The following PRKCZ variants were observed in gnomAD, a reference collection of about 807,000 sequenced individuals.
PRKCZ encodes the protein protein kinase C zeta type.
PRKCZ carries 33 observed loss-of-function variants against 79.5 expected under a neutral mutation model. The ratio of observed to expected loss-of-function variants is 0.41; its 90% CI spans 0.31 to 0.55. The LOEUF (loss-of-function observed/expected upper bound fraction) is 0.55. Ranked by LOEUF, PRKCZ falls within the 20% of genes least tolerant of loss-of-function variation. The pLI is 0.19. For missense variants in PRKCZ, 578 were observed against 813.5 expected, an observed-to-expected ratio of 0.71 and a Z score of 3.52; for synonymous variants, 342 against 320.9, an observed-to-expected ratio of 1.07 and a Z score of -0.70.
chr1:2,156,175 A>G lies in PRKCZ; in HGVS notation c.974+83A>G, dbSNP rs189558226. The G allele has an allele frequency of 4.1e-4, 542 of 1,309,862 alleles. 3 individuals carry two copies. In the Middle Eastern group the frequency reaches 0.011, roughly 26 times the overall value. The allele number at this position is 1,309,862 out of a possible 1,614,324, so 81.1% of individuals were successfully genotyped here. On this transcript the variant is annotated intron_variant, in intron 10 of 17. Coordinates refer to ENST00000378567, the MANE Select transcript of PRKCZ (RefSeq NM_002744.6). Reference sequence around the variant, plus strand: ...AAGCTAAGTCTGGTGTGATGTGTCAACTGTCACCTGTAAGGTTCTCCCAGT... The same window carrying G: ...AAGCTAAGTCTGGTGTGATGTGTCAGCTGTCACCTGTAAGGTTCTCCCAGT...
intron 3 of PRKCZ, among the ~76,000 whole-genome samples, chr1:2,058,089 G>C (rs1012428366): frequency 6.6e-6 from 1 of 152,000 alleles, no homozygotes; most frequent in Non-Finnish European, 1.5e-5. Context: ...AGATGGTCTC[G>C]ATCTCCTGAC....
In PRKCZ at chr1:2,173,749, G is replaced by A; in HGVS notation, c.1286-148G>A. ...AGGTGGAGGTGCTGGTTCTGTTTGG[G>A]AAGTGGAAGTCACAGAGGCCTGTGT... is the stretch of plus-strand genomic sequence containing the variant. On this transcript the variant is annotated intron_variant, in intron 13 of 17. Coordinates refer to ENST00000378567, the MANE Select transcript of PRKCZ (RefSeq NM_002744.6). This position sits in a 1 kb window ranked among gnomAD's most constrained non-coding sequence, Gnocchi z 5.7. 3 of 1,182,882 alleles carry A rather than the reference G, an allele frequency of 2.5e-6. No homozygotes were observed. The highest frequency in any genetic ancestry group is 1.6e-5 in the South Asian group (1 of 61,988). The allele number at this position is 1,182,882 out of a possible 1,614,324, so 73.3% of individuals were successfully genotyped here.
chr1:2,111,172 C>T (rs1034096800), intron 4 of PRKCZ, among the ~76,000 whole-genome samples: 3 of 151,958 alleles, frequency 2.0e-5, no homozygotes, highest in Admixed American at 1.3e-4. Context: ...GCTGGCTGTG[C>T]GTGTTGGGCC....
intron 10 of PRKCZ, among the ~76,000 whole-genome samples, chr1:2,166,900 C>G (rs1399110483): frequency 6.6e-6 from 1 of 152,248 alleles, no homozygotes; most frequent in African/African-American, 2.4e-5. Flanking sequence ...CCCAAGTGGG[C>G]CGAGCCCATG....
At chr1:2,169,684 T>A in intron 11 of PRKCZ, 80 bp downstream of exon 11, 1 of 417,456 alleles carries the variant, frequency 2.4e-6, no homozygotes, top group Non-Finnish European at 3.2e-6. Context: ...GGGGGCTGGG[T>A]GGGTGCGCAC....
chr1:2,135,367 C>T lies in PRKCZ; in HGVS notation c.420+20C>T, dbSNP rs769259236. The T allele has an allele frequency of 1.9e-6, 3 of 1,585,838 alleles. No individual in the cohort carries two copies. The highest frequency in any genetic ancestry group is 1.1e-5 in the South Asian group (1 of 89,804). On this transcript the variant is annotated intron_variant, in intron 5 of 17. Coordinates refer to ENST00000378567, the MANE Select transcript of PRKCZ (RefSeq NM_002744.6). ...AACAGGGTGAGTGGCCCCCTTGGGA[C>T]TAGTCCCTCAAGGGGCCTTTTGTTA...
intron 4 of PRKCZ, among the ~76,000 whole-genome samples, chr1:2,123,804 T>C (rs1673119799): frequency 8.0e-5 from 1 of 12,550 alleles, no homozygotes; most frequent in Non-Finnish European, 1.3e-4. Context: ...AGGGTTGTGG[T>C]GGTTAGGGTC....
chr1:2,132,704 T>A lies in PRKCZ; in HGVS notation c.335-2558T>A, dbSNP rs149363904. ...CTAGCCACGGGCCCTTTGTCTCTCA[T>A]GTGTGCAGGTGACTCACGGTGACTA... On this transcript the variant is annotated intron_variant, in intron 4 of 17. Coordinates refer to ENST00000378567, the MANE Select transcript of PRKCZ (RefSeq NM_002744.6). 2.2e-3 allele frequency among the ~76,000 whole-genome samples: 334 copies of A among 152,352 alleles called. 1 individual carries two copies. Among genetic ancestry groups the A allele is most frequent in the African/African-American group, 7.5e-3 (310 of 41,586 alleles).
rs1239489730 is a variant in PRKCZ at position 2,178,814 on chromosome 1, C to T, written c.1575+3501C>T. 1.3e-5 allele frequency among the ~76,000 whole-genome samples: 2 copies of T among 152,206 alleles called. No individual in the cohort carries two copies. Among genetic ancestry groups the T allele is most frequent in the African/African-American group, 4.8e-5 (2 of 41,442 alleles). On this transcript the variant is annotated intron_variant, in intron 16 of 17. Transcript: ENST00000378567. This position sits in a 1 kb window ranked among gnomAD's most constrained non-coding sequence, Gnocchi z 4.3. ...GTCCCCACCTGTGGACTCAGGGTCT[C>T]TTTCACGGACTGCGGGGAAGGCAGT...
intron 4 of PRKCZ, chr1:2,074,628 C>G (rs556944740): frequency 4.9e-6 from 2 of 411,882 alleles, no homozygotes; most frequent in Non-Finnish European, 8.9e-6. Flanking sequence ...TCTGAGCCCC[C>G]GTTTTGCATT....
intron 10 of PRKCZ, among the ~76,000 whole-genome samples, chr1:2,157,658 A>G (rs1437907225): frequency 2.0e-5 from 3 of 150,818 alleles, no homozygotes; most frequent in Non-Finnish European, 4.4e-5. Context: ...TGCCCTCTGC[A>G]GCCTCCCAAA....
At chr1:2,131,039 A>G (rs1674855247) in intron 4 of PRKCZ, among the ~76,000 whole-genome samples, 1 of 152,140 alleles carries the variant, frequency 6.6e-6, no homozygotes, top group Admixed American at 6.5e-5. Flanking sequence ...GAGGGCCACC[A>G]TCATGGGCTC....
intron 7 of PRKCZ, among the ~76,000 whole-genome samples, chr1:2,147,811 CATCT>C (rs1311565503): frequency 3.3e-5 from 5 of 149,680 alleles, no homozygotes; most frequent in South Asian, 2.1e-4. Flanking sequence ...TCTATCCATC[CATCT>C]ATTGTCCACT....
At chr1:2,150,266 G>A (rs564635547) in intron 8 of PRKCZ, among the ~76,000 whole-genome samples, 40 of 152,202 alleles carry the variant, frequency 2.6e-4, no homozygotes, top group East Asian at 1.5e-3. Flanking sequence ...TGTAGCTTGC[G>A]GGAGGCAGAG....
At chr1:2,097,248 CG>C (rs1666683634) in intron 4 of PRKCZ, among the ~76,000 whole-genome samples, 1 of 152,240 alleles carries the variant, frequency 6.6e-6, no homozygotes, top group African/African-American at 2.4e-5. Context: ...TGCTGTCGTC[CG>C]GTGCAGGCCA....
chr1:2,064,229 T>A (rs1168540991), intron 4 of PRKCZ, among the ~76,000 whole-genome samples: 1 of 152,260 alleles, frequency 6.6e-6, no homozygotes, highest in Non-Finnish European at 1.5e-5. Context: ...TTGGTTTTTT[T>A]GTTGGTGAGT....
intron 9 of PRKCZ, among the ~76,000 whole-genome samples, chr1:2,153,034 T>C (rs1680212629): frequency 6.6e-6 from 1 of 152,226 alleles, no homozygotes; most frequent in East Asian, 1.9e-4. Context: ...ATGGTAGTTC[T>C]CTGTTCAACT....
chr1:2,055,502 A>G lies in PRKCZ; in HGVS notation c.133A>G (p.Arg45Gly), dbSNP rs1660081757. 6.2e-7 allele frequency: 1 copy of G among 1,614,070 alleles called. No individual in the cohort carries two copies. The highest frequency in any genetic ancestry group is 8.5e-7 in the Non-Finnish European group (1 of 1,179,994). ...TTFEELCEEV[R>G]DMCRLHQQHP... is the part of the protein sequence containing the mutation. ...CTTCGAGGAGCTCTGTGAGGAAGTG[A>G]GAGACATGTGTCGTCTGCACCAGCA... is the stretch of plus-strand genomic sequence containing the variant. Residue 45 changes from arginine (R) to glycine (G), a missense_variant, in exon 2 of 18, where the codon AGA (arginine) becomes GGA (glycine). Coordinates refer to ENST00000378567, the MANE Select transcript of PRKCZ (RefSeq NM_002744.6).
intron 4 of PRKCZ, among the ~76,000 whole-genome samples, chr1:2,096,988 G>A (rs1260274431): frequency 6.6e-6 from 1 of 152,216 alleles, no homozygotes; most frequent in African/African-American, 2.4e-5. Context: ...TCTCACCCAC[G>A]GGCACCAGTC....
Sources: gnomAD v4.1 joint callset for allele counts (sites outside exome capture counted in the v4.1 genomes callset) on GRCh38, gnomAD v4.1.1 for gene constraint, Gnocchi (gnomAD v3.1) non-coding constraint, MANE v1.5 for transcripts, NCBI Gene and HGNC (gene_info 2026-07-23, HGNC 2026-07-21) for gene names.